RSRP1: variants seen among roughly 807,000 people sequenced by gnomAD.
RSRP1 encodes the protein arginine/serine-rich protein 1.
RSRP1 carries 37 observed loss-of-function variants against 33.0 expected under a neutral mutation model. That is an observed-to-expected ratio of 1.12 (90% CI 0.86 to 1.48). The LOEUF (loss-of-function observed/expected upper bound fraction) is 1.48. Among genes scored for constraint, RSRP1 ranks in the 40% most tolerant of loss-of-function variants. RSRP1 has a pLI of 0.00. For missense variants in RSRP1, 402 were observed against 385.3 expected, an observed-to-expected ratio of 1.04 and a Z score of -0.36; for synonymous variants, 167 against 158.7, an observed-to-expected ratio of 1.05 and a Z score of -0.40.
At chr1:25,261,498 A>G (rs1640148628) in intron 1 of RSRP1, among the ~76,000 whole-genome samples, 1 of 148,474 alleles carries the variant, frequency 6.7e-6, no homozygotes, top group East Asian at 2.0e-4. Context: ...TCCGCCTCCC[A>G]GGTTCACGCC....
intron 1 of RSRP1, among the ~76,000 whole-genome samples, chr1:25,282,297 C>T (rs1354633810): frequency 2.3e-5 from 3 of 131,340 alleles, no homozygotes; most frequent in African/African-American, 2.6e-5. Context: ...TGCAGTGGTG[C>T]GGTCTCAGCT....
Position 25,271,692 on chromosome 1 carries a change from C to G in RSRP1, c.-66-24663G>C, listed in dbSNP as rs186585202. Among the ~76,000 whole-genome samples, 51 of 132,296 alleles carry G rather than the reference C, an allele frequency of 3.9e-4. 10 individuals carry two copies. Among genetic ancestry groups the G allele is most frequent in the Middle Eastern group, 8.1e-3 (2 of 248 alleles). 86.8% of individuals were successfully genotyped at this position (132,296 alleles called of 152,430 possible). On this transcript the variant is annotated intron_variant, in intron 1 of 1. Coordinates refer to the RSRP1 transcript ENST00000561867. The stretch of plus-strand genomic sequence containing the variant: ...GGGTTAGAACTAAGTCCCAAGCCCC[C>G]TAAAGCTCATGCCAGGGGACTGGAC...
rs1364849288 is a variant in RSRP1, at chr1:25,283,297, G to A, written c.-66-36268C>T. Among the ~76,000 whole-genome samples the A allele has an allele frequency of 5.3e-5, 7 of 131,894 alleles. 2 individuals are homozygous for A. Among genetic ancestry groups the A allele is most frequent in the Non-Finnish European group, 1.1e-4 (6 of 55,724 alleles). 86.5% of individuals were successfully genotyped at this position (131,894 alleles called of 152,430 possible). A position where few individuals can be genotyped will look rare whatever the true frequency, so the allele number is the denominator to read the frequency against. ...TGTAATCCCATCACTTTGGGAAACC[G>A]AGGTGGGCAGATCACTTGAGGTCAG... On this transcript the variant is annotated intron_variant, in intron 1 of 1. Transcript: ENST00000561867.
chr1:25,260,935 G>T (rs1400094978), intron 1 of RSRP1, among the ~76,000 whole-genome samples: 5 of 151,922 alleles, frequency 3.3e-5, no homozygotes, highest in Non-Finnish European at 7.4e-5. Flanking sequence ...CCGAGTAGCT[G>T]GGACTACAGG....
chr1:25,245,558 C>T (rs985273458), intron 2 of RSRP1, among the ~76,000 whole-genome samples: 9 of 152,054 alleles, frequency 5.9e-5, no homozygotes, highest in Non-Finnish European at 1.3e-4. Context: ...CCCAAGTGTG[C>T]GCGAGGGTTC....
intron 1 of RSRP1, among the ~76,000 whole-genome samples, chr1:25,310,418 C>G (rs926469505): frequency 2.3e-5 from 3 of 132,524 alleles, no homozygotes; most frequent in African/African-American, 7.7e-5. Flanking sequence ...CAAGAAGGCC[C>G]TCACCAGATG....
At chr1:25,263,236 A>C (rs1386141599) in intron 1 of RSRP1, among the ~76,000 whole-genome samples, 1 of 151,936 alleles carries the variant, frequency 6.6e-6, no homozygotes, top group Non-Finnish European at 1.5e-5. Flanking sequence ...TAAGTGATCT[A>C]ACTCCTGAGG....
intron 1 of RSRP1, among the ~76,000 whole-genome samples, chr1:25,281,359 C>T (rs1641475108): frequency 7.6e-6 from 1 of 131,082 alleles, no homozygotes; most frequent in Non-Finnish European, 1.8e-5. Flanking sequence ...TCTCTCTGGT[C>T]CCCTTCTGTA....
chr1:25,245,420 GT>G, intron 2 of RSRP1, 119 bp from the exon 3 acceptor site: 1 of 1,326,954 alleles, frequency 7.5e-7, no homozygotes, highest in South Asian at 1.5e-5. Context: ...TAAGTCACTT[GT>G]TTTATAATAG....
chr1:25,303,561 G>C, intron 1 of RSRP1: 5 of 1,169,204 alleles, frequency 4.3e-6, no homozygotes, highest in Non-Finnish European at 6.3e-6. Flanking sequence ...TTAGGCAGGT[G>C]TCGGCGCATT....
intron 1 of RSRP1, among the ~76,000 whole-genome samples, chr1:25,258,391 G>A (rs745532294): frequency 2.0e-5 from 3 of 152,106 alleles, no homozygotes; most frequent in Admixed American, 1.3e-4. Flanking sequence ...TGTTGGCCAG[G>A]CTGGTCTTGA....
intron 2 of RSRP1, chr1:25,245,889 A>G (rs1337076385): frequency 6.4e-6 from 1 of 156,054 alleles, no homozygotes; most frequent in Non-Finnish European, 1.4e-5. Flanking sequence ...ACACTACTAA[A>G]GTGTATTTCT....
chr1:25,256,351 T>A (rs899448512), intron 1 of RSRP1, among the ~76,000 whole-genome samples: 1 of 152,156 alleles, frequency 6.6e-6, no homozygotes, highest in Non-Finnish European at 1.5e-5. Context: ...GTAAAGTCCA[T>A]GTAGCCCAGG....
At position 25,276,924 on chromosome 1, in the gene RSRP1, G is replaced by A. The variant is rs577041175; in HGVS notation, c.-66-29895C>T. Among the ~76,000 whole-genome samples the A allele has an allele frequency of 2.6e-4, 34 of 130,290 alleles. 6 individuals are homozygous for A. The highest frequency in any genetic ancestry group is 7.1e-4 in the African/African-American group (27 of 38,288). 85.5% of individuals were successfully genotyped at this position (130,290 alleles called of 152,430 possible). On this transcript the variant is annotated intron_variant, in intron 1 of 1. Coordinates refer to the RSRP1 transcript ENST00000561867. ...TACCAAAAATACAAAAAAATTAGCC[G>A]GGTGTGGTGGCGGGTGCCTGTAGTC... is the stretch of plus-strand genomic sequence containing the variant.
intron 4 of RSRP1, among the ~76,000 whole-genome samples, chr1:25,243,250 C>G (rs1557480150): frequency 6.6e-6 from 1 of 152,128 alleles, no homozygotes; most frequent in Non-Finnish European, 1.5e-5. Context: ...GTTTTTGAAA[C>G]TCTTATTTTA....
chr1:25,263,833 G>C (rs927812705), intron 1 of RSRP1, among the ~76,000 whole-genome samples: 14 of 152,096 alleles, frequency 9.2e-5, no homozygotes, highest in African/African-American at 3.4e-4. Context: ...TCCAAAGCAA[G>C]TTAGTTACTT....
chr1:25,249,622 G>A (rs150106879), upstream of RSRP1, among the ~76,000 whole-genome samples: 393 of 152,282 alleles, frequency 2.6e-3, 1 homozygote, highest in Non-Finnish European at 4.6e-3. Context: ...GATTACAGGC[G>A]TGAGCCACTG....
chr1:25,246,568 C>A lies in RSRP1; in HGVS notation c.396G>T (p.Ala132=). Residue 132 remains alanine, a synonymous_variant, in exon 2 of 5, where the codon GCG becomes GCT. Coordinates refer to ENST00000243189, the MANE Select transcript of RSRP1 (RefSeq NM_020317.5). ...CGTAGTAGCGCTGTCCCCGCGCGAT[C>A]GCGTACGCCCTTCCGCAGTACGACC... ...RGRSYCGRAY[A]IARGQRYYGF... 6.2e-7 allele frequency: 1 copy of A among 1,614,248 alleles called. No homozygotes were observed. Among genetic ancestry groups the A allele is most frequent in the South Asian group, 1.1e-5 (1 of 91,092 alleles).
rs562991007 is a variant in RSRP1, at chr1:25,312,154, G to A, written c.-67+25824C>T. Among the ~76,000 whole-genome samples the A allele has an allele frequency of 1.2e-4, 12 of 98,046 alleles. 2 individuals are homozygous for A. The highest frequency in any genetic ancestry group is 3.8e-4 in the African/African-American group (11 of 28,654). 64.3% of individuals were successfully genotyped at this position (98,046 alleles called of 152,430 possible). ...TAGTGTGTCCAGGAGGTGGCACACA[G>A]AGTAAAAGATCATTCTGAAGGTTTA... On this transcript the variant is annotated intron_variant, in intron 1 of 1. Coordinates refer to the RSRP1 transcript ENST00000561867.
Sources: allele counts gnomAD v4.1 joint callset (sites outside exome capture counted in the v4.1 genomes callset), GRCh38; gene constraint gnomAD v4.1.1; transcripts MANE v1.5; gene names NCBI Gene and HGNC (gene_info 2026-07-23, HGNC 2026-07-21).